The following RIMS2 variants were observed in gnomAD, a reference collection of about 807,000 sequenced individuals.
RIMS2 encodes regulating synaptic membrane exocytosis protein 2.
Under a neutral mutation model 174.4 loss-of-function variants are expected in RIMS2, and 59 were observed. The ratio of observed to expected loss-of-function variants is 0.34; its 90% CI spans 0.27 to 0.42. The LOEUF is 0.42. Among genes scored for constraint, RIMS2 ranks in the 10% least tolerant of loss-of-function variants. The pLI is 1.00. For missense variants in RIMS2, 1,620 were observed against 1,666.3 expected (o/e 0.97, Z 0.48); for synonymous variants, 606 against 572.5 (o/e 1.06, Z -0.84).
intron 1 of RIMS2, among the ~76,000 whole-genome samples, chr8:103,691,710 G>A (rs558654907): frequency 1.3e-5 from 2 of 152,154 alleles, no homozygotes; most frequent in South Asian, 4.1e-4. Flanking sequence ...TTTGTTTGGT[G>A]TGGTCATGTC....
intron 17 of RIMS2, chr8:103,998,149 G>A (rs536463610): frequency 9.6e-6 from 14 of 1,465,816 alleles, no homozygotes; most frequent in Non-Finnish European, 1.3e-5. Flanking sequence ...TCTTTCTTGA[G>A]TCTTATTTAT....
intron 19 of RIMS2, among the ~76,000 whole-genome samples, chr8:104,033,382 A>G (rs1450241537): frequency 6.6e-6 from 1 of 152,026 alleles, no homozygotes; most frequent in Non-Finnish European, 1.5e-5. Context: ...ATCCTTGATC[A>G]TAAGCTATTA....
chr8:103,844,201 C>T (rs1352664614), intron 3 of RIMS2, among the ~76,000 whole-genome samples: 1 of 152,088 alleles, frequency 6.6e-6, no homozygotes, highest in Non-Finnish European at 1.5e-5. Context: ...TTATCAGCAG[C>T]GTGAAAATGG....
intron 19 of RIMS2, among the ~76,000 whole-genome samples, chr8:104,125,965 A>T (rs1392337057): frequency 6.6e-6 from 1 of 152,170 alleles, no homozygotes; most frequent in African/African-American, 2.4e-5. Context: ...TAAGAGGCTT[A>T]TCTTTGCTGG....
intron 1 of RIMS2, among the ~76,000 whole-genome samples, chr8:103,568,134 A>G (rs2092520943): frequency 6.6e-6 from 1 of 151,788 alleles, no homozygotes; most frequent in Admixed American, 6.6e-5. Flanking sequence ...AAGTAAATGA[A>G]ATAAAAACAA....
intron 3 of RIMS2, among the ~76,000 whole-genome samples, chr8:103,767,636 T>C (rs1463382493): frequency 6.6e-6 from 1 of 152,164 alleles, no homozygotes; most frequent in African/African-American, 2.4e-5. Context: ...ATTGTACATA[T>C]AGTATGGTAG....
intron 19 of RIMS2, among the ~76,000 whole-genome samples, chr8:104,222,543 G>A (rs1369551464): frequency 6.6e-6 from 1 of 152,170 alleles, no homozygotes; most frequent in Non-Finnish European, 1.5e-5. Flanking sequence ...AACAGAGGTG[G>A]GATGACTTGT....
At chr8:103,585,806 T>A (rs963124914) in intron 1 of RIMS2, among the ~76,000 whole-genome samples, 1 of 151,754 alleles carries the variant, frequency 6.6e-6, no homozygotes, top group African/African-American at 2.4e-5. Context: ...GATGACAGGC[T>A]GACAGGTGCA....
intron 2 of RIMS2, among the ~76,000 whole-genome samples, chr8:103,705,982 T>C (rs2097220409): frequency 6.6e-6 from 1 of 152,070 alleles, no homozygotes; most frequent in Non-Finnish European, 1.5e-5. Context: ...TCCTTCTTCC[T>C]TCTTTCCTAC....
At chr8:103,536,925 A>T (rs1417206006) in intron 1 of RIMS2, among the ~76,000 whole-genome samples, 1 of 152,240 alleles carries the variant, frequency 6.6e-6, no homozygotes, top group Non-Finnish European at 1.5e-5. Flanking sequence ...ACAAAGGAAA[A>T]CTGCAACACT....
At chr8:104,208,517 G>A (rs1031151399) in intron 19 of RIMS2, among the ~76,000 whole-genome samples, 3 of 151,790 alleles carry the variant, frequency 2.0e-5, no homozygotes, top group East Asian at 3.9e-4. Flanking sequence ...GCAGTGATCC[G>A]AGATCGAGCC....
At chr8:103,685,560 T>C (rs1413504090) in intron 1 of RIMS2, among the ~76,000 whole-genome samples, 1 of 152,152 alleles carries the variant, frequency 6.6e-6, no homozygotes, top group Non-Finnish European at 1.5e-5. Flanking sequence ...GTTTTACATA[T>C]AAATTTCTAA....
intron 19 of RIMS2, among the ~76,000 whole-genome samples, chr8:104,167,467 G>A (rs918734394): frequency 6.6e-6 from 1 of 151,962 alleles, no homozygotes; most frequent in East Asian, 1.9e-4. Flanking sequence ...CTGGCTATTT[G>A]TATATCCTTT....
intron 13 of RIMS2, among the ~76,000 whole-genome samples, chr8:103,942,389 C>A (rs977525232): frequency 6.6e-6 from 1 of 151,816 alleles, no homozygotes; most frequent in Admixed American, 6.6e-5. Flanking sequence ...TTTATCCAGT[C>A]GTCACTGATG....
At chr8:103,992,021 T>A (rs2154550722) in intron 17 of RIMS2, among the ~76,000 whole-genome samples, 1 of 152,316 alleles carries the variant, frequency 6.6e-6, no homozygotes, top group African/African-American at 2.4e-5. Context: ...ATATATTCAC[T>A]TGCAAATAAT....
At chr8:103,569,016 G>T in intron 1 of RIMS2, 1 of 459,830 alleles carries the variant, frequency 2.2e-6, no homozygotes, top group Non-Finnish European at 3.9e-6. Flanking sequence ...TCTTGATGGA[G>T]GCCTTTGCAC....
chr8:103,601,517 A>G (rs1316257016), intron 1 of RIMS2, among the ~76,000 whole-genome samples: 1 of 152,046 alleles, frequency 6.6e-6, no homozygotes, highest in Non-Finnish European at 1.5e-5. Context: ...ATTGGCATGG[A>G]ATATCTTTTT....
At chr8:103,580,602 T>A (rs1247301100) in intron 1 of RIMS2, among the ~76,000 whole-genome samples, 2 of 151,996 alleles carry the variant, frequency 1.3e-5, no homozygotes, top group African/African-American at 4.8e-5. Context: ...TGCAATGCAG[T>A]AATAGCAGGG....
chr8:103,553,995 G>A (rs1390155873), intron 1 of RIMS2, among the ~76,000 whole-genome samples: 4 of 152,084 alleles, frequency 2.6e-5, no homozygotes, highest in Non-Finnish European at 5.9e-5. Flanking sequence ...ACTGGGTAGT[G>A]TTTGTGAAAG....
Sources: gnomAD v4.1 joint callset for allele counts (sites outside exome capture counted in the v4.1 genomes callset) on GRCh38, gnomAD v4.1.1 for gene constraint, MANE v1.5 for transcripts, NCBI Gene and HGNC (gene_info 2026-07-23, HGNC 2026-07-21) for gene names.